Variants in OTOGL observed in about 807,000 individuals in gnomAD.
OTOGL encodes otogelin like.
OTOGL carries 285 observed loss-of-function variants against 318.5 expected under a neutral mutation model. The observed-to-expected ratio is 0.89, with a 90% CI of 0.81 to 0.99. The LOEUF is 0.99. Among genes scored for constraint, OTOGL ranks in the 50% least tolerant of loss-of-function variants. OTOGL has a pLI of 0.00. For missense variants in OTOGL, 2,899 were observed against 2,845.6 expected, an observed-to-expected ratio of 1.02 and a Z score of -0.43; for synonymous variants, 987 against 936.5, an observed-to-expected ratio of 1.05 and a Z score of -0.99.
intron 9 of OTOGL, among the ~76,000 whole-genome samples, chr12:80,235,292 C>T (rs1396644225): frequency 6.6e-6 from 1 of 151,648 alleles, no homozygotes; most frequent in Non-Finnish European, 1.5e-5. Flanking sequence ...TGGTGAAACC[C>T]TGTCTCTACT....
intron 1 of OTOGL, among the ~76,000 whole-genome samples, chr12:80,181,160 A>T (rs1441949903): frequency 6.6e-6 from 1 of 152,176 alleles, no homozygotes; most frequent in African/African-American, 2.4e-5. Flanking sequence ...ATTAGTTTAG[A>T]TCCTTTGTTG....
At chr12:80,336,386 TA>T in intron 39 of OTOGL, 26 bp from the exon 40 acceptor site, 1 of 1,563,512 alleles carries the variant, frequency 6.4e-7, no homozygotes, top group Admixed American at 2.0e-5. Context: ...GTTAATAGAC[TA>T]AATCCACTTT....
At chr12:80,154,280 G>A (rs902725462) in intron 1 of OTOGL, among the ~76,000 whole-genome samples, 2 of 152,106 alleles carry the variant, frequency 1.3e-5, no homozygotes. Context: ...CTGCACTCCA[G>A]CCTGGGCAAC....
chr12:80,163,923 A>G (rs914631864), intron 1 of OTOGL, among the ~76,000 whole-genome samples: 7 of 152,270 alleles, frequency 4.6e-5, no homozygotes, highest in Admixed American at 6.5e-5. Context: ...GGGAGAAACA[A>G]TGAAGTCACA....
chr12:80,109,858 T>A lies in OTOGL; in HGVS notation c.-20+10253T>A, dbSNP rs1334257467. Among the ~76,000 whole-genome samples the A allele has an allele frequency of 2.6e-5, 4 of 152,220 alleles. No homozygotes were observed. The East Asian group carries it at 5.8e-4, about 22-fold the overall frequency. ...AAAGAAATTACAACAAAATATAAAA[T>A]TTTTTTAAAGCTGACAATTATCACA... is the stretch of plus-strand genomic sequence containing the variant. On this transcript the variant is annotated intron_variant, in intron 1 of 58. Coordinates refer to ENST00000547103, the MANE Select transcript of OTOGL (RefSeq NM_001378609.3).
intron 37 of OTOGL, among the ~76,000 whole-genome samples, chr12:80,331,660 A>T (rs1888079228): frequency 6.6e-6 from 1 of 152,070 alleles, no homozygotes; most frequent in African/African-American, 2.4e-5. Context: ...AAAGTTTTTA[A>T]AATGTCGTTG....
chr12:80,307,914 C>G (rs1300436843), intron 29 of OTOGL, among the ~76,000 whole-genome samples: 8 of 97,432 alleles, frequency 8.2e-5, no homozygotes, highest in South Asian at 3.5e-4. Flanking sequence ...GCTGGCCGGG[C>G]GGGGGCTGAC....
intron 4 of OTOGL, among the ~76,000 whole-genome samples, chr12:80,213,661 G>A (rs1216307766): frequency 6.6e-6 from 1 of 152,164 alleles, no homozygotes; most frequent in African/African-American, 2.4e-5. Flanking sequence ...TTATACTGTT[G>A]TCCATTTAGA....
intron 35 of OTOGL, among the ~76,000 whole-genome samples, chr12:80,327,007 A>G (rs966144232): frequency 6.6e-6 from 1 of 152,226 alleles, no homozygotes; most frequent in Admixed American, 6.5e-5. Context: ...ATTTGTAAAT[A>G]TATTATTTAA....
At chr12:80,373,938 A>G (rs1891035845) in intron 57 of OTOGL, among the ~76,000 whole-genome samples, 2 of 152,138 alleles carry the variant, frequency 1.3e-5, no homozygotes, top group African/African-American at 4.8e-5. Context: ...GCAGGGCTAG[A>G]ATGACTGAAT....
chr12:80,113,083 G>T (rs755734298), intron 1 of OTOGL, among the ~76,000 whole-genome samples: 5 of 152,110 alleles, frequency 3.3e-5, no homozygotes, highest in Non-Finnish European at 7.4e-5. Context: ...TTGTATTTCT[G>T]TGGGATCAGA....
intron 1 of OTOGL, among the ~76,000 whole-genome samples, chr12:80,166,391 T>C (rs1400204898): frequency 1.3e-5 from 2 of 152,218 alleles, no homozygotes; most frequent in African/African-American, 4.8e-5. Flanking sequence ...TTGTGTAATC[T>C]AAGTCATAAA....
chr12:80,104,435 G>A (rs1869331453), intron 1 of OTOGL, among the ~76,000 whole-genome samples: 1 of 152,202 alleles, frequency 6.6e-6, no homozygotes, highest in Non-Finnish European at 1.5e-5. Flanking sequence ...ATTGCCAAGA[G>A]AGGCGTGTTC....
At chr12:80,330,743 C>G (rs760807763) in intron 37 of OTOGL, among the ~76,000 whole-genome samples, 1 of 152,178 alleles carries the variant, frequency 6.6e-6, no homozygotes, top group Non-Finnish European at 1.5e-5. Context: ...AAGGGATCTA[C>G]TGAAACCTAT....
At chr12:80,322,199 T>C (rs1887382335) in intron 34 of OTOGL, among the ~76,000 whole-genome samples, 1 of 152,130 alleles carries the variant, frequency 6.6e-6, no homozygotes, top group South Asian at 2.1e-4. Flanking sequence ...ACTGTGCTCT[T>C]GAGAAAAGGA....
intron 24 of OTOGL, among the ~76,000 whole-genome samples, chr12:80,276,610 T>C (rs901794317): frequency 2.0e-5 from 3 of 151,434 alleles, no homozygotes; most frequent in African/African-American, 4.8e-5. Context: ...AGAGAGAACA[T>C]AGGAGAAAAA....
chr12:80,295,675 C>A (rs1259168315), intron 26 of OTOGL, among the ~76,000 whole-genome samples: 1 of 152,110 alleles, frequency 6.6e-6, no homozygotes, highest in African/African-American at 2.4e-5. Flanking sequence ...GCTCTTAGAG[C>A]AGTAGCTTTT....
intron 43 of OTOGL, 32 bp downstream of exon 43, chr12:80,339,296 C>CTTTTTTT: frequency 2.1e-5 from 9 of 434,276 alleles, no homozygotes; most frequent in South Asian, 4.5e-5. Context: ...TTGATTTCGT[C>CTTTTTTT]TGTTTTTTTT....
intron 1 of OTOGL, among the ~76,000 whole-genome samples, chr12:80,118,657 G>A (rs897653419): frequency 2.6e-5 from 4 of 152,262 alleles, no homozygotes; most frequent in South Asian, 2.1e-4. Flanking sequence ...CTTTATTTGG[G>A]TGGAGTTTTT....
Sources: allele counts gnomAD v4.1 joint callset (sites outside exome capture counted in the v4.1 genomes callset), GRCh38; gene constraint gnomAD v4.1.1; transcripts MANE v1.5; gene names NCBI Gene and HGNC (gene_info 2026-07-23, HGNC 2026-07-21).